IL1RAPL1: variants seen among roughly 807,000 people sequenced by gnomAD.
IL1RAPL1 encodes the protein interleukin-1 receptor accessory protein-like 1.
Under a neutral mutation model 48.4 loss-of-function variants are expected in IL1RAPL1, and 3 were observed. That is an observed-to-expected ratio of 0.06 (90% CI 0.03 to 0.16). The LOEUF (loss-of-function observed/expected upper bound fraction) is 0.16, where lower values mean the gene tolerates loss of function less well. IL1RAPL1 is among the 10% of genes least tolerant of loss of function. IL1RAPL1 has a pLI of 1.00. For synonymous variants in IL1RAPL1, 185 were observed against 187.7 expected, an observed-to-expected ratio of 0.99 and a Z score of 0.12; for missense variants, 349 against 530.6, an observed-to-expected ratio of 0.66 and a Z score of 3.36.
intron 6 of IL1RAPL1, among the ~76,000 whole-genome samples, chrX:29,690,669 C>G (rs1926748726): frequency 8.9e-6 from 1 of 111,899 alleles, no homozygotes; most frequent in Non-Finnish European, 1.9e-5. Flanking sequence ...TACTGTAATC[C>G]TATTATCATC....
At chrX:28,864,800 A>T (rs1311068488) in intron 2 of IL1RAPL1, among the ~76,000 whole-genome samples, 1 of 111,419 alleles carries the variant, frequency 9.0e-6, no homozygotes, top group Non-Finnish European at 1.9e-5. Context: ...TAGCTCTCTG[A>T]GGCAGACATG....
intron 6 of IL1RAPL1, among the ~76,000 whole-genome samples, chrX:29,844,304 T>A (rs146974636): frequency 0.012 from 1,336 of 111,727 alleles, 23 homozygotes; most frequent in African/African-American, 0.041. Flanking sequence ...GAATATTTGG[T>A]CTATAACAAA....
chrX:29,113,937 G>C (rs1304035277), intron 2 of IL1RAPL1, among the ~76,000 whole-genome samples: 1 of 111,506 alleles, frequency 9.0e-6, no homozygotes, highest in Non-Finnish European at 1.9e-5. Flanking sequence ...GAATTATTTT[G>C]ACATTTCATC....
intron 5 of IL1RAPL1, among the ~76,000 whole-genome samples, chrX:29,652,960 A>G (rs1236630317): frequency 8.9e-6 from 1 of 112,337 alleles, no homozygotes; most frequent in Non-Finnish European, 1.9e-5. Context: ...ATTCAAAGAA[A>G]TGTGGAGCTG....
intron 6 of IL1RAPL1, among the ~76,000 whole-genome samples, chrX:29,777,992 C>A (rs1929246652): frequency 9.2e-6 from 1 of 108,305 alleles, no homozygotes; most frequent in Admixed American, 9.9e-5. Context: ...TAATAGTATT[C>A]ATTTATACGA....
At chrX:28,977,351 A>G (rs1186050241) in intron 2 of IL1RAPL1, among the ~76,000 whole-genome samples, 2 of 112,140 alleles carry the variant, frequency 1.8e-5, no homozygotes, top group Non-Finnish European at 3.8e-5. Context: ...AGGGCAAACA[A>G]GGTTGTCTTA....
At chrX:29,669,736 A>C (rs943883595) in intron 6 of IL1RAPL1, among the ~76,000 whole-genome samples, 1 of 111,590 alleles carries the variant, frequency 9.0e-6, no homozygotes, top group Non-Finnish European at 1.9e-5. Flanking sequence ...TATAAATGCA[A>C]GTAGTATTAT....
At chrX:29,234,922 T>C (rs5985979) in intron 2 of IL1RAPL1, among the ~76,000 whole-genome samples, 27,446 of 111,798 alleles carry the variant, frequency 0.25, 4,787 homozygotes, top group African/African-American at 0.61. Flanking sequence ...TTATAACATT[T>C]AAGGCCCTTT....
At chrX:29,285,367 T>C (rs1276546638) in intron 3 of IL1RAPL1, among the ~76,000 whole-genome samples, 2 of 106,949 alleles carry the variant, frequency 1.9e-5, no homozygotes, top group East Asian at 5.9e-4. Flanking sequence ...ACCCCATCTC[T>C]CCTAAAAATA....
At chrX:29,238,473 C>T (rs1265138469) in intron 2 of IL1RAPL1, among the ~76,000 whole-genome samples, 2 of 111,879 alleles carry the variant, frequency 1.8e-5, no homozygotes, top group African/African-American at 6.5e-5. Flanking sequence ...CCTAGAGTCA[C>T]ATTGATACAT....
intron 3 of IL1RAPL1, among the ~76,000 whole-genome samples, chrX:29,311,043 G>A (rs1932717781): frequency 1.8e-5 from 2 of 111,642 alleles, no homozygotes; most frequent in South Asian, 3.7e-4. Flanking sequence ...TTGCCTTTTA[G>A]AATGACTCTT....
At chrX:29,524,590 G>A (rs891955065) in intron 5 of IL1RAPL1, among the ~76,000 whole-genome samples, 1 of 111,290 alleles carries the variant, frequency 9.0e-6, no homozygotes, top group African/African-American at 3.3e-5. Flanking sequence ...TTAATTAACT[G>A]TCATTTTTGT....
chrX:29,576,635 A>G (rs747111308), intron 5 of IL1RAPL1, among the ~76,000 whole-genome samples: 42 of 111,228 alleles, frequency 3.8e-4, no homozygotes, highest in African/African-American at 1.3e-3. Flanking sequence ...TGCTATCACC[A>G]TTGTCACTGT....
At chrX:29,459,953 G>A in intron 5 of IL1RAPL1, among the ~76,000 whole-genome samples, 1 of 111,578 alleles carries the variant, frequency 9.0e-6, no homozygotes, top group East Asian at 2.8e-4. Context: ...CTGCTTCTAA[G>A]AATTCAACCT....
In IL1RAPL1 at chrX:28,764,818, AAC is replaced by A. The variant is rs759195422; in HGVS notation, c.-24-24484_-24-24483del. On this transcript the variant is annotated intron_variant, in intron 1 of 10. Coordinates refer to ENST00000378993, the MANE Select transcript of IL1RAPL1 (RefSeq NM_014271.4). ...TTGAATATAAACACACATGCACGCAAACACACACACACACACACATATCCCCC... is the reference window on the plus strand; with the variant it reads ...TTGAATATAAACACACATGCACGCAAACACACACACACACACATATCCCCC... 4.7e-3 allele frequency among the ~76,000 whole-genome samples: 499 copies of A among 107,163 alleles called. 3 individuals carry two copies. Among genetic ancestry groups the A allele is most frequent in the African/African-American group, 0.014 (408 of 29,358 alleles). The allele number at this position is 107,163 out of a possible 115,157, so 93.1% of individuals were successfully genotyped here.
intron 6 of IL1RAPL1, among the ~76,000 whole-genome samples, chrX:29,863,249 A>T (rs1931627581): frequency 8.9e-6 from 1 of 112,361 alleles, no homozygotes. Flanking sequence ...AACAATAATA[A>T]TGATGATGGA....
chrX:29,902,247 G>A (rs1227443925), intron 6 of IL1RAPL1, among the ~76,000 whole-genome samples: 3 of 110,883 alleles, frequency 2.7e-5, no homozygotes, highest in Non-Finnish European at 5.7e-5. Flanking sequence ...AAGGGCATCT[G>A]GGTGTTAAAT....
At chrX:29,806,737 G>T (rs1930265053) in intron 6 of IL1RAPL1, among the ~76,000 whole-genome samples, 1 of 111,334 alleles carries the variant, frequency 9.0e-6, no homozygotes, top group Non-Finnish European at 1.9e-5. Context: ...ATATCTATTA[G>T]CCATTTACAT....
At chrX:28,690,003 T>C (rs752991481) in intron 1 of IL1RAPL1, among the ~76,000 whole-genome samples, 37 of 112,165 alleles carry the variant, frequency 3.3e-4, no homozygotes, top group African/African-American at 1.0e-3. Flanking sequence ...TTCCCTTCCC[T>C]TTTCAACCTT....
Sources: gnomAD v4.1 joint callset for allele counts (sites outside exome capture counted in the v4.1 genomes callset) on GRCh38, gnomAD v4.1.1 for gene constraint, MANE v1.5 for transcripts, NCBI Gene and HGNC (gene_info 2026-07-23, HGNC 2026-07-21) for gene names.